The following LRP1B variants were observed in gnomAD, a reference collection of about 807,000 sequenced individuals.
The protein encoded by LRP1B is low-density lipoprotein receptor-related protein 1B.
In LRP1B, 217 loss-of-function variants were observed where a neutral mutation model predicts 556.6. The observed-to-expected ratio is 0.39, with a 90% CI of 0.35 to 0.44. The LOEUF (loss-of-function observed/expected upper bound fraction) is 0.44. Among genes scored for constraint, LRP1B ranks in the 20% least tolerant of loss-of-function variants. LRP1B has a pLI of 1.00. For synonymous variants in LRP1B, 2,047 were observed against 1,865.8 expected, an observed-to-expected ratio of 1.10 and a Z score of -2.50; for missense variants, 5,053 against 5,620.8, an observed-to-expected ratio of 0.90 and a Z score of 3.23.
chr2:141,340,723 T>C (rs1228617851), intron 3 of LRP1B, among the ~76,000 whole-genome samples: 1 of 152,188 alleles, frequency 6.6e-6, no homozygotes, highest in Non-Finnish European at 1.5e-5. Context: ...CTAGTATTCA[T>C]CAAGGAAGGG....
intron 43 of LRP1B, among the ~76,000 whole-genome samples, chr2:140,570,904 AAGAAAC>A (rs1681299075): frequency 6.6e-6 from 1 of 151,804 alleles, no homozygotes; most frequent in South Asian, 2.1e-4. Flanking sequence ...GTTACAGAAT[AAGAAAC>A]AGAAACCATA....
intron 21 of LRP1B, among the ~76,000 whole-genome samples, chr2:140,915,490 AAG>A (rs1262167971): frequency 1.8e-4 from 10 of 54,386 alleles, no homozygotes; most frequent in Admixed American, 3.7e-4. Flanking sequence ...CTCTACTAAA[AAG>A]AAAAAAAAAA....
In LRP1B at chr2:140,364,650, A is replaced by C. The variant is rs1429704155; in HGVS notation, c.11131+11T>G. On this transcript the variant is annotated intron_variant, in intron 72 of 90. Transcript: ENST00000389484. Reference sequence around the variant, plus strand: ...TAAAAGTATAATCTAGAGCCACGTGAAATGCCATACCACACATATCAGGGG... The same window carrying C: ...TAAAAGTATAATCTAGAGCCACGTGCAATGCCATACCACACATATCAGGGG... 7.5e-6 allele frequency: 12 copies of C among 1,608,110 alleles called. No individual in the cohort carries two copies. The highest frequency in any genetic ancestry group is 5.4e-5 in the African/African-American group (4 of 74,448).
At chr2:141,575,342 CA>C (rs1686698069) in intron 2 of LRP1B, among the ~76,000 whole-genome samples, 1 of 151,978 alleles carries the variant, frequency 6.6e-6, no homozygotes, top group Admixed American at 6.5e-5. Context: ...ACAAACCCGA[CA>C]AAAACAAACA....
At chr2:141,212,156 T>C (rs1346436673) in intron 6 of LRP1B, among the ~76,000 whole-genome samples, 1 of 151,312 alleles carries the variant, frequency 6.6e-6, no homozygotes, top group Non-Finnish European at 1.5e-5. Flanking sequence ...CTTCACAGAG[T>C]TTCTTAGGGA....
At chr2:141,794,694 C>T (rs139352175) in intron 2 of LRP1B, among the ~76,000 whole-genome samples, 16 of 152,038 alleles carry the variant, frequency 1.1e-4, no homozygotes, top group African/African-American at 3.6e-4. Context: ...TTTTTTTACA[C>T]CTTTCCAGTA....
rs1573913526 is a variant in LRP1B, at chr2:140,950,309, C to T, written c.3062G>A (p.Gly1021Asp). 1 of 1,613,150 alleles carries T rather than the reference C, an allele frequency of 6.2e-7. No homozygotes were observed. Among genetic ancestry groups the T allele is most frequent in the Non-Finnish European group, 8.5e-7 (1 of 1,179,434 alleles). Residue 1021 changes from glycine to aspartate, a missense_variant, in exon 20 of 91, where the codon GGC becomes GAC. Coordinates refer to ENST00000389484, the MANE Select transcript of LRP1B (RefSeq NM_018557.3). Reference sequence around the variant, plus strand: ...ATTGTCACCATCACAGGCCCAGTGGCCTGGGATGCATCTGCCACTGGAACA... The same window carrying T: ...ATTGTCACCATCACAGGCCCAGTGGTCTGGGATGCATCTGCCACTGGAACA... ...FRCSSGRCIP[G>D]HWACDGDNDC...
At chr2:141,561,136 C>A (rs1686134738) in intron 2 of LRP1B, among the ~76,000 whole-genome samples, 1 of 151,610 alleles carries the variant, frequency 6.6e-6, no homozygotes, top group African/African-American at 2.4e-5. Flanking sequence ...CCTAACACCA[C>A]AATGCATAGC....
intron 35 of LRP1B, among the ~76,000 whole-genome samples, chr2:140,747,973 C>T (rs68114789): frequency 0.35 from 53,159 of 149,962 alleles, 9,559 homozygotes; most frequent in South Asian, 0.49. Flanking sequence ...TTCCATGCCA[C>T]TTAGTCTTTC....
At chr2:140,280,651 A>C (rs1247167922) in intron 84 of LRP1B, among the ~76,000 whole-genome samples, 1 of 151,832 alleles carries the variant, frequency 6.6e-6, no homozygotes, top group Non-Finnish European at 1.5e-5. Context: ...GCAAGAAGAA[A>C]AAAGGACCCA....
In LRP1B at chr2:140,401,191, T is replaced by C. The variant is rs1008707175; in HGVS notation, c.10415-15182A>G. The stretch of plus-strand genomic sequence containing the variant: ...GGCATGAGTGCAGGAGCTGGGTGCC[T>C]GGCCTTGTGAGGCAGATGGGGAGTG... On this transcript the variant is annotated intron_variant, in intron 66 of 90. Coordinates refer to ENST00000389484, the MANE Select transcript of LRP1B (RefSeq NM_018557.3). Among the ~76,000 whole-genome samples the C allele has an allele frequency of 5.3e-5, 8 of 152,270 alleles. No individual in the cohort carries two copies. In the Middle Eastern group the frequency reaches 0.017, roughly 324 times the overall value.
At chr2:142,045,719 T>C (rs80113407) in intron 1 of LRP1B, among the ~76,000 whole-genome samples, 3,178 of 151,990 alleles carry the variant, frequency 0.021, 124 homozygotes, top group African/African-American at 0.072. Context: ...TAAAGAACCA[T>C]GCAAATATGA....
rs754903902 is a variant in LRP1B, at chr2:141,020,035, G to C, written c.1857C>G (p.Gly619=). Residue 619 remains glycine, a synonymous_variant, in exon 12 of 91, where the codon GGC becomes GGG. Coordinates refer to ENST00000389484, the MANE Select transcript of LRP1B (RefSeq NM_018557.3). The part of the protein sequence containing the change: ...IGNNLYWTND[G]HRKTINVARL... The stretch of plus-strand genomic sequence containing the variant: ...TGGCCACATTAATGGTTTTCCTATG[G>C]CCATCATTGGTCCAGTAAAGATTAT... 2.1e-5 allele frequency: 34 copies of C among 1,611,360 alleles called. No homozygotes were observed. Among genetic ancestry groups the C allele is most frequent in the Middle Eastern group, 1.6e-4 (1 of 6,068 alleles).
At chr2:141,536,843 G>A (rs1324317613) in intron 2 of LRP1B, among the ~76,000 whole-genome samples, 1 of 151,888 alleles carries the variant, frequency 6.6e-6, no homozygotes, top group South Asian at 2.1e-4. Flanking sequence ...TATTTAATTA[G>A]AATCAATGAA....
chr2:141,047,573 T>G (rs1698912151), intron 11 of LRP1B, among the ~76,000 whole-genome samples: 1 of 152,118 alleles, frequency 6.6e-6, no homozygotes, highest in African/African-American at 2.4e-5. Flanking sequence ...TGATCGATCC[T>G]CCTAAAATAT....
intron 18 of LRP1B, among the ~76,000 whole-genome samples, chr2:140,955,243 A>T (rs942125098): frequency 1.3e-4 from 20 of 151,978 alleles, no homozygotes; most frequent in Non-Finnish European, 2.9e-4. Flanking sequence ...AAACCTCTTA[A>T]AATAAATTTA....
intron 3 of LRP1B, among the ~76,000 whole-genome samples, chr2:141,341,710 C>A (rs974538019): frequency 1.8e-4 from 27 of 152,134 alleles, no homozygotes; most frequent in Non-Finnish European, 3.5e-4. Context: ...TTCTTCCAGG[C>A]CTTGCCACAA....
chr2:142,029,691 T>C (rs1445068290), intron 1 of LRP1B, among the ~76,000 whole-genome samples: 1 of 151,842 alleles, frequency 6.6e-6, no homozygotes, highest in Non-Finnish European at 1.5e-5. Flanking sequence ...CCTCAACTTC[T>C]TTCAAGCTTG....
chr2:141,228,863 T>C (rs1054557407), intron 6 of LRP1B, among the ~76,000 whole-genome samples: 1 of 152,048 alleles, frequency 6.6e-6, no homozygotes, highest in Non-Finnish European at 1.5e-5. Flanking sequence ...TTTTTTTAAA[T>C]CCCACCTTCA....
Sources: gnomAD v4.1 joint callset for allele counts (sites outside exome capture counted in the v4.1 genomes callset) on GRCh38, gnomAD v4.1.1 for gene constraint, MANE v1.5 for transcripts, NCBI Gene and HGNC (gene_info 2026-07-23, HGNC 2026-07-21) for gene names.